Variants in NLRC5 observed in about 807,000 individuals in gnomAD.
The protein encoded by NLRC5 is NLR family CARD domain containing 5, also known as protein NLRC5.
NLRC5 carries 114 observed loss-of-function variants against 206.9 expected under a neutral mutation model. That is an observed-to-expected ratio of 0.55 (90% CI 0.47 to 0.64). NLRC5 has a LOEUF of 0.64. Ranked by LOEUF, NLRC5 falls within the 30% of genes least tolerant of loss-of-function variation. The pLI is 0.00. For synonymous variants in NLRC5, 952 were observed against 962.8 expected, an observed-to-expected ratio of 0.99 and a Z score of 0.21; for missense variants, 2,008 against 2,305.5, an observed-to-expected ratio of 0.87 and a Z score of 2.64.
chr16:57,075,250 G>A (rs965673836), intron 39 of NLRC5, among the ~76,000 whole-genome samples: 8 of 151,832 alleles, frequency 5.3e-5, no homozygotes, highest in Admixed American at 2.6e-4. Flanking sequence ...ACAGAGTTTC[G>A]CTCTTGTTGC....
chr16:57,003,532 G>A (rs780859650), intron 1 of NLRC5, among the ~76,000 whole-genome samples: 15 of 151,920 alleles, frequency 9.9e-5, no homozygotes, highest in South Asian at 2.1e-4. Flanking sequence ...TCCTTCTTCC[G>A]GGGTCGCCTT....
intron 23 of NLRC5, 53 bp downstream of exon 23, chr16:57,047,681 G>A: frequency 1.4e-6 from 2 of 1,465,788 alleles, no homozygotes; most frequent in Non-Finnish European, 1.9e-6. Context: ...TCTGCCCAGT[G>A]ACCTGGGAGG....
Position 57,026,927 on chromosome 16 carries a change from G to A in NLRC5, c.1984G>A (p.Glu662Lys), listed in dbSNP as rs767971647. The change falls in exon 6 of 49, where the codon GAG becomes AAG. Residue 662 changes from glutamate (E) to lysine (K), a missense_variant. By Grantham distance (56) the Glu-to-Lys change is moderately conservative (BLOSUM62 1). Coordinates refer to ENST00000688547, the MANE Select transcript of NLRC5 (RefSeq NM_001384950.1). Reference protein sequence around the residue: ...ATLTNILEHREAPIHLDFDGC... With the variant: ...ATLTNILEHRKAPIHLDFDGC... Reference sequence around the variant, plus strand: ...CCTGACCAACATCCTAGAGCACAGGGAGGCCCCCATCCACCTGGATTTTGA... The same window carrying A: ...CCTGACCAACATCCTAGAGCACAGGAAGGCCCCCATCCACCTGGATTTTGA... 8.1e-6 allele frequency: 13 copies of A among 1,614,020 alleles called. No individual in the cohort carries two copies. Among genetic ancestry groups the A allele is most frequent in the East Asian group, 2.2e-5 (1 of 44,894 alleles).
intron 1 of NLRC5, among the ~76,000 whole-genome samples, chr16:56,994,900 C>T (rs767208307): frequency 4.6e-5 from 7 of 152,280 alleles, no homozygotes; most frequent in Non-Finnish European, 8.8e-5. Context: ...CTGGGCTGGG[C>T]GCAGTGGCTC....
chr16:57,042,191 T>G, intron 19 of NLRC5, 126 bp downstream of exon 19: 1 of 558,290 alleles, frequency 1.8e-6, no homozygotes, highest in Non-Finnish European at 3.0e-6. Context: ...TTGCCCCTAA[T>G]ACAATGTAAG....
intron 15 of NLRC5, among the ~76,000 whole-genome samples, chr16:57,038,939 T>C (rs1318796810): frequency 1.8e-5 from 2 of 108,274 alleles, no homozygotes; most frequent in Non-Finnish European, 4.0e-5. Context: ...TGTCTCAAAT[T>C]AAAAAAAAAA....
intron 4 of NLRC5, among the ~76,000 whole-genome samples, chr16:57,023,267 A>T (rs758302798): frequency 6.6e-6 from 1 of 152,148 alleles, no homozygotes; most frequent in Non-Finnish European, 1.5e-5. Context: ...CCAGAAAGGC[A>T]TTAAAGTGAT....
chr16:57,073,326 T>A (rs2068001441), intron 38 of NLRC5, among the ~76,000 whole-genome samples: 1 of 152,184 alleles, frequency 6.6e-6, no homozygotes, highest in Admixed American at 6.5e-5. Flanking sequence ...CCATCTCAGA[T>A]CTGTCATTTC....
chr16:57,026,727 T>C lies in NLRC5; in HGVS notation c.1784T>C (p.Val595Ala). 1.2e-6 allele frequency: 2 copies of C among 1,613,992 alleles called. No homozygotes were observed. The highest frequency in any genetic ancestry group is 1.7e-6 in the Non-Finnish European group (2 of 1,179,906). Reference sequence around the variant, plus strand: ...TGTGTGGGTGCCAAGCAGGCTGCTGTAGTGCAGGTGTTGAAGAAGTTGGCC... The same window carrying C: ...TGTGTGGGTGCCAAGCAGGCTGCTGCAGTGCAGGTGTTGAAGAAGTTGGCC... ...EDCVGAKQAA[V>A]VQVLKKLATR... The change falls in exon 6 of 49, where the codon GTA (valine) becomes GCA (alanine). Residue 595 changes from valine to alanine, a missense_variant. Coordinates refer to ENST00000688547, the MANE Select transcript of NLRC5 (RefSeq NM_001384950.1).
intron 1 of NLRC5, among the ~76,000 whole-genome samples, chr16:57,005,042 G>A (rs143758735): frequency 8.7e-4 from 132 of 152,136 alleles, no homozygotes; most frequent in Non-Finnish European, 1.5e-3. Flanking sequence ...TTCTCTCAGC[G>A]CCCCCATTTG....
chr16:57,051,593 C>T lies in NLRC5; in HGVS notation c.3478C>T (p.Pro1160Ser), dbSNP rs765286951. Residue 1160 changes from proline (P) to serine (S), a missense_variant, in exon 24 of 49, where the codon CCT becomes TCT. By Grantham distance (74) the Pro-to-Ser change is moderately conservative. Transcript: ENST00000688547. ...QSLETLLDCL[P>S]QLPQLSLLQL... ...CCTGGAGACTCTACTGGACTGCTTA[C>T]CTCAACTCCCTCAGCTGAGCCTGCT... The T allele has an allele frequency of 1.6e-5, 26 of 1,613,856 alleles. No homozygotes were observed. The highest frequency in any genetic ancestry group is 2.0e-5 in the Non-Finnish European group (24 of 1,179,838).
At chr16:57,059,610 T>C (rs2144610640) in intron 30 of NLRC5, 78 bp downstream of exon 30, 2 of 1,350,170 alleles carry the variant, frequency 1.5e-6, no homozygotes, top group East Asian at 5.1e-5. Flanking sequence ...CATGGCCCCC[T>C]CTTCCCTGGG....
chr16:56,991,392 T>C (rs1284784833), intron 1 of NLRC5, among the ~76,000 whole-genome samples: 1 of 148,912 alleles, frequency 6.7e-6, no homozygotes. Context: ...TTTTTTTTTT[T>C]TTTTTTTTTG....
intron 5 of NLRC5, among the ~76,000 whole-genome samples, chr16:57,024,764 C>T (rs1375356822): frequency 6.6e-6 from 1 of 152,194 alleles, no homozygotes; most frequent in Non-Finnish European, 1.5e-5. Flanking sequence ...AATCCCAGCA[C>T]TTTGGAGGGC....
At chr16:57,049,475 C>A (rs180854425) in intron 23 of NLRC5, among the ~76,000 whole-genome samples, 82 of 151,788 alleles carry the variant, frequency 5.4e-4, no homozygotes, top group African/African-American at 1.9e-3. Flanking sequence ...CGGTGACTCA[C>A]GCCTATAATC....
intron 1 of NLRC5, among the ~76,000 whole-genome samples, chr16:57,001,441 A>C (rs1445805346): frequency 6.6e-6 from 1 of 152,172 alleles, no homozygotes; most frequent in East Asian, 1.9e-4. Context: ...TGGAAAGCAA[A>C]GGAATGGCAG....
chr16:57,059,588 T>A, intron 30 of NLRC5, 56 bp downstream of exon 30: 1 of 1,476,288 alleles, frequency 6.8e-7, no homozygotes, highest in Non-Finnish European at 9.2e-7. Context: ...AGGCTGACCC[T>A]ATGGCGGCCT....
At position 57,026,434 on chromosome 16, in the gene NLRC5, C is replaced by G. The variant is rs776285468; in HGVS notation, c.1491C>G (p.Phe497Leu). 92 of 1,614,042 alleles carry G rather than the reference C, an allele frequency of 5.7e-5. No individual in the cohort carries two copies. The highest frequency in any genetic ancestry group is 8.3e-5 in the Admixed American group (5 of 60,014). ...FGATHSLLTSFCVCTGPGHQQ... is the reference protein window; with the variant it reads ...FGATHSLLTSLCVCTGPGHQQ... ...CCACTCACAGCCTGCTGACTTCCTT[C>G]TGCGTCTGCACAGGCCCTGGGCACC... Residue 497 changes from phenylalanine to leucine, a missense_variant, in exon 6 of 49, where the codon TTC becomes TTG. Coordinates refer to ENST00000688547, the MANE Select transcript of NLRC5 (RefSeq NM_001384950.1).
chr16:57,075,323 G>A (rs1259646747), intron 39 of NLRC5, among the ~76,000 whole-genome samples: 2 of 152,144 alleles, frequency 1.3e-5, no homozygotes, highest in Non-Finnish European at 1.5e-5. Flanking sequence ...GGGTTCAAGC[G>A]ATTCTCCTGC....
Sources: allele counts gnomAD v4.1 joint callset (sites outside exome capture counted in the v4.1 genomes callset), GRCh38; gene constraint gnomAD v4.1.1; transcripts MANE v1.5; gene names NCBI Gene and HGNC (gene_info 2026-07-23, HGNC 2026-07-21).